The following NLGN1 variants were observed in gnomAD, a reference collection of about 807,000 sequenced individuals.
NLGN1 encodes the protein neuroligin 1.
A neutral mutation model predicts 65.5 loss-of-function variants in NLGN1; 12 were observed. The ratio of observed to expected loss-of-function variants is 0.18; its 90% confidence interval spans 0.12 to 0.30. The LOEUF (loss-of-function observed/expected upper bound fraction) is 0.30. Among genes scored for constraint, NLGN1 ranks in the 10% least tolerant of loss-of-function variants. The pLI is 1.00. For missense variants in NLGN1, 750 were observed against 1,007.1 expected (o/e 0.74, Z 3.46); for synonymous variants, 350 against 359.5 (o/e 0.97, Z 0.30).
chr3:173,925,656 C>A (rs1033531410), intron 4 of NLGN1, among the ~76,000 whole-genome samples: 4 of 152,118 alleles, frequency 2.6e-5, no homozygotes, highest in Admixed American at 2.0e-4. Context: ...GGCCAGGGAG[C>A]CTGTCTGCAG....
intron 2 of NLGN1, among the ~76,000 whole-genome samples, chr3:173,500,857 C>A (rs2149056136): frequency 6.6e-6 from 1 of 152,150 alleles, no homozygotes; most frequent in African/African-American, 2.4e-5. Flanking sequence ...ACACTGAGCC[C>A]ATATAATGGT....
intron 2 of NLGN1, among the ~76,000 whole-genome samples, chr3:173,602,982 C>T (rs1485668189): frequency 6.6e-6 from 1 of 152,106 alleles, no homozygotes; most frequent in Non-Finnish European, 1.5e-5. Context: ...CAAGGAAAGA[C>T]ATTTATCTCC....
chr3:173,870,967 G>A (rs764438873), intron 4 of NLGN1, among the ~76,000 whole-genome samples: 3 of 152,192 alleles, frequency 2.0e-5, no homozygotes, highest in Admixed American at 6.5e-5. Flanking sequence ...TAGACTCCTG[G>A]ATGGAGGCTG....
At chr3:173,817,371 A>G (rs1719239929) in intron 4 of NLGN1, among the ~76,000 whole-genome samples, 1 of 152,240 alleles carries the variant, frequency 6.6e-6, no homozygotes, top group South Asian at 2.1e-4. Flanking sequence ...TGGTAGGCCT[A>G]GACCTTGATC....
At chr3:174,166,494 G>T (rs1330220532) in intron 4 of NLGN1, among the ~76,000 whole-genome samples, 1 of 152,030 alleles carries the variant, frequency 6.6e-6, no homozygotes, top group African/African-American at 2.4e-5. Context: ...ATGGTTTTGA[G>T]AGATCTTCCG....
intron 4 of NLGN1, among the ~76,000 whole-genome samples, chr3:174,106,021 C>T (rs1005076870): frequency 6.6e-6 from 1 of 152,080 alleles, no homozygotes; most frequent in Admixed American, 6.6e-5. Context: ...TTACTTGACC[C>T]GGTGATAATA....
intron 3 of NLGN1, among the ~76,000 whole-genome samples, chr3:173,751,366 G>T (rs73050443): frequency 6.6e-6 from 1 of 150,404 alleles, no homozygotes; most frequent in Admixed American, 6.7e-5. Context: ...ATATATAGCC[G>T]TAACTTGTTG....
At chr3:174,275,638 C>A in intron 5 of NLGN1, 111 bp downstream of exon 5, 1 of 672,328 alleles carries the variant, frequency 1.5e-6, no homozygotes. Context: ...TTAGGTTGAA[C>A]TCAATAGTTT....
At chr3:173,454,513 T>A (rs980459696) in intron 2 of NLGN1, among the ~76,000 whole-genome samples, 2 of 152,370 alleles carry the variant, frequency 1.3e-5, no homozygotes, top group East Asian at 3.9e-4. Context: ...AGCTAGATCT[T>A]CTGGATAAGT....
intron 4 of NLGN1, among the ~76,000 whole-genome samples, chr3:174,167,559 C>T (rs1483740468): frequency 6.7e-6 from 1 of 149,582 alleles, no homozygotes; most frequent in Non-Finnish European, 1.5e-5. Flanking sequence ...CTGCTGTTAC[C>T]CTAATGGGGT....
chr3:173,536,766 CGTGT>C lies in NLGN1; in HGVS notation c.-320-67501_-320-67498del, dbSNP rs772493207. Among the ~76,000 whole-genome samples, 7 of 151,294 alleles carry C rather than the reference CGTGT, an allele frequency of 4.6e-5. No individual in the cohort carries two copies. In the East Asian group the frequency reaches 9.7e-4, roughly 21 times the overall value. On this transcript the variant is annotated intron_variant, in intron 2 of 6. Transcript: ENST00000457714. ...GGGGATATGTGTGTGCACGAGTGTGCGTGTGTGTGTGTGTGCGTAGGGAGAGATA... is the reference window on the plus strand; with the variant it reads ...GGGGATATGTGTGTGCACGAGTGTGCGTGTGTGTGTGCGTAGGGAGAGATA...
intron 4 of NLGN1, among the ~76,000 whole-genome samples, chr3:173,815,982 TATATTATA>T (rs1179498668): frequency 2.6e-5 from 2 of 77,536 alleles, no homozygotes; most frequent in Admixed American, 1.3e-4. Context: ...ATCCTTAAAT[TATATTATA>T]ATAATTAATT....
chr3:173,495,949 T>A (rs1729960319), intron 2 of NLGN1, among the ~76,000 whole-genome samples: 1 of 151,752 alleles, frequency 6.6e-6, no homozygotes, highest in Admixed American at 6.6e-5. Context: ...CAGTATAAGG[T>A]TTTTTGAGAA....
intron 4 of NLGN1, among the ~76,000 whole-genome samples, chr3:174,216,257 T>C (rs559554731): frequency 1.3e-5 from 2 of 152,220 alleles, no homozygotes; most frequent in South Asian, 2.1e-4. Context: ...TGGGTTTTCA[T>C]TGTAAGGACA....
chr3:173,502,370 T>G (rs1731282723), intron 2 of NLGN1, among the ~76,000 whole-genome samples: 1 of 152,116 alleles, frequency 6.6e-6, no homozygotes, highest in South Asian at 2.1e-4. Context: ...ATACCTTTAT[T>G]TGTGTGTGAA....
Position 174,270,490 on chromosome 3 carries a change from T to TAAAC in NLGN1, c.647-4822_647-4819dup, listed in dbSNP as rs1016582141. ...GTGAGGATTTAAATACATTATATTT[T>TAAAC]AAACAATTTTGAATCAAACAGAAAT... On this transcript the variant is annotated intron_variant, in intron 4 of 6. Coordinates refer to ENST00000457714, the Ensembl canonical transcript of NLGN1. Among the ~76,000 whole-genome samples, 36 of 151,988 alleles carry TAAAC rather than the reference T, an allele frequency of 2.4e-4. No homozygotes were observed. In the Middle Eastern group the frequency reaches 0.01, roughly 43 times the overall value.
At chr3:173,833,720 G>A (rs148810474) in intron 4 of NLGN1, among the ~76,000 whole-genome samples, 1 of 152,126 alleles carries the variant, frequency 6.6e-6, no homozygotes, top group East Asian at 1.9e-4. Context: ...GTTTTGCCAT[G>A]TTGTCCAGGC....
chr3:173,525,181 T>C (rs1250507283), intron 2 of NLGN1, among the ~76,000 whole-genome samples: 1 of 152,226 alleles, frequency 6.6e-6, no homozygotes, highest in Non-Finnish European at 1.5e-5. Context: ...CAGCTCCTTT[T>C]ATGTCTGGTA....
At chr3:173,427,385 C>T (rs1353925857) in intron 1 of NLGN1, among the ~76,000 whole-genome samples, 1 of 151,146 alleles carries the variant, frequency 6.6e-6, no homozygotes, top group African/African-American at 2.4e-5. Context: ...TTTCTATTTC[C>T]TTTAGATGCA....
Sources: allele counts gnomAD v4.1 joint callset (sites outside exome capture counted in the v4.1 genomes callset), GRCh38; gene constraint gnomAD v4.1.1; transcripts MANE v1.5; gene names NCBI Gene and HGNC (gene_info 2026-07-23, HGNC 2026-07-21).